ANKRD23: variants seen among roughly 807,000 people sequenced by gnomAD.
The protein encoded by ANKRD23 is ankyrin repeat domain 23, also known as ankyrin repeat domain-containing protein 23.
ANKRD23 carries 52 observed loss-of-function variants against 38.1 expected under a neutral mutation model. That is an observed-to-expected ratio of 1.36 (90% CI 1.09 to 1.72). The LOEUF (loss-of-function observed/expected upper bound fraction) is 1.72. ANKRD23 is among the 40% of genes most tolerant of loss of function. The pLI is 0.00. For missense variants in ANKRD23, 416 were observed against 400.2 expected (o/e 1.04, Z -0.34); for synonymous variants, 167 against 162.9 (o/e 1.03, Z -0.19).
At position 96,839,720 on chromosome 2, in the gene ANKRD23, C is replaced by A. The variant is rs1413905304; in HGVS notation, c.822+7G>T. 3.7e-6 allele frequency: 6 copies of A among 1,612,644 alleles called. No individual in the cohort carries two copies. The East Asian group carries it at 1.3e-4, about 36-fold the overall frequency. On this transcript the variant is annotated splice_region_variant and intron_variant, in intron 8 of 8. Transcript: ENST00000318357. ...GGGTCAGGAGCCAGGGCTGCGCCCA[C>A]ACTCACCGCGTTCCGCACCCCCAGC... is the stretch of plus-strand genomic sequence containing the variant.
Sources: gnomAD v4.1 joint callset for allele counts on GRCh38, gnomAD v4.1.1 for gene constraint, MANE v1.5 for transcripts, NCBI Gene and HGNC (gene_info 2026-07-23, HGNC 2026-07-21) for gene names.